Variants in LINGO2 observed in about 807,000 individuals in gnomAD.
LINGO2 encodes leucine-rich repeat and immunoglobulin-like domain-containing nogo receptor-interacting protein 2.
LINGO2 carries 14 observed loss-of-function variants against 30.6 expected under a neutral mutation model. The observed-to-expected ratio is 0.46, with a 90% CI of 0.30 to 0.72. The LOEUF is 0.72. LINGO2 is among the 30% of genes least tolerant of loss of function. The probability of loss-of-function intolerance (pLI) is 0.07; values close to 1 mark genes in which losing one functional copy is unlikely to be tolerated. For synonymous variants in LINGO2, 317 were observed against 288.5 expected (o/e 1.10, Z -1.00); for missense variants, 729 against 751.7 (o/e 0.97, Z 0.35).
chr9:28,336,567 C>T (rs960556348), intron 3 of LINGO2, among the ~76,000 whole-genome samples: 4 of 151,970 alleles, frequency 2.6e-5, no homozygotes, highest in African/African-American at 9.7e-5. Flanking sequence ...ATCTACAATC[C>T]ACTTTGAGTT....
chr9:28,160,570 T>A lies in LINGO2; in HGVS notation c.-87+134638A>T, dbSNP rs537476985. Among the ~76,000 whole-genome samples the A allele has an allele frequency of 2.6e-5, 4 of 152,302 alleles. No individual in the cohort carries two copies. The South Asian group carries it at 8.3e-4, about 32-fold the overall frequency. On this transcript the variant is annotated intron_variant, in intron 4 of 5. Transcript: ENST00000379992. Reference sequence around the variant, plus strand: ...ATCTCTGTCCTTTCTGTTCCCCTCCTGCCCCCCTTCTGCTCTTGCTCTTCA... The same window carrying A: ...ATCTCTGTCCTTTCTGTTCCCCTCCAGCCCCCCTTCTGCTCTTGCTCTTCA...
the LINGO2 span, among the ~76,000 whole-genome samples, chr9:29,103,637 T>C: frequency 6.6e-6 from 1 of 152,180 alleles, no homozygotes; most frequent in East Asian, 1.9e-4. Flanking sequence ...AAACACCAAA[T>C]ATCAATACTT....
intron 4 of LINGO2, among the ~76,000 whole-genome samples, chr9:28,145,568 T>C (rs559178953): frequency 6.6e-6 from 1 of 152,212 alleles, no homozygotes; most frequent in Non-Finnish European, 1.5e-5. Context: ...CTGACCTATT[T>C]TTGTGAACAC....
At chr9:29,210,456 T>C in the LINGO2 span, among the ~76,000 whole-genome samples, 1 of 152,188 alleles carries the variant, frequency 6.6e-6, no homozygotes, top group Non-Finnish European at 1.5e-5. Context: ...GTTGTACCTA[T>C]ATTCAGATGA....
chr9:29,056,975 G>A, the LINGO2 span, among the ~76,000 whole-genome samples: 7 of 152,080 alleles, frequency 4.6e-5, no homozygotes, highest in Non-Finnish European at 8.8e-5. Context: ...GTACCATGCT[G>A]TTTTGGTGAC....
At chr9:28,580,342 T>C (rs908104792) in intron 1 of LINGO2, among the ~76,000 whole-genome samples, 1 of 152,038 alleles carries the variant, frequency 6.6e-6, no homozygotes, top group Non-Finnish European at 1.5e-5. Flanking sequence ...CAAAACATCA[T>C]GAAACTGGCC....
At chr9:28,285,645 T>A (rs1481615618) in intron 4 of LINGO2, among the ~76,000 whole-genome samples, 1 of 152,080 alleles carries the variant, frequency 6.6e-6, no homozygotes, top group African/African-American at 2.4e-5. Flanking sequence ...GACCTCGTGA[T>A]CTGCCTGCCT....
chr9:28,265,263 A>G (rs1192747369), intron 4 of LINGO2, among the ~76,000 whole-genome samples: 2 of 151,944 alleles, frequency 1.3e-5, no homozygotes, highest in African/African-American at 4.8e-5. Flanking sequence ...TCTGAGGATA[A>G]AAAGGCACAT....
At chr9:28,770,685 A>C in the LINGO2 span, among the ~76,000 whole-genome samples, 1 of 152,200 alleles carries the variant, frequency 6.6e-6, no homozygotes, top group Non-Finnish European at 1.5e-5. Context: ...AATCACCATC[A>C]AGATATACTG....
intron 1 of LINGO2, among the ~76,000 whole-genome samples, chr9:28,643,390 G>A (rs747136738): frequency 5.3e-5 from 8 of 151,786 alleles, no homozygotes; most frequent in East Asian, 1.9e-4. Context: ...AAATTTACAC[G>A]CTCACAGTGA....
At chr9:28,677,524 T>C in the LINGO2 span, among the ~76,000 whole-genome samples, 1 of 152,136 alleles carries the variant, frequency 6.6e-6, no homozygotes, top group Non-Finnish European at 1.5e-5. Context: ...AGTACTGGTA[T>C]TTCTGCACAT....
At chr9:28,667,391 C>T (rs972644903) in intron 1 of LINGO2, among the ~76,000 whole-genome samples, 16 of 152,102 alleles carry the variant, frequency 1.1e-4, no homozygotes, top group African/African-American at 2.9e-4. Context: ...GAGTCACCAT[C>T]ATCTCTTACA....
intron 3 of LINGO2, among the ~76,000 whole-genome samples, chr9:28,326,581 G>C (rs1825237344): frequency 6.6e-6 from 1 of 152,172 alleles, no homozygotes; most frequent in Non-Finnish European, 1.5e-5. Context: ...TCTTCCATGA[G>C]ATGGTATGTT....
chr9:28,029,529 TACC>T (rs1823557106), intron 4 of LINGO2, among the ~76,000 whole-genome samples: 2 of 152,162 alleles, frequency 1.3e-5, no homozygotes, highest in South Asian at 4.1e-4. Flanking sequence ...CCACTCTGAG[TACC>T]AGCAGCAGGA....
the LINGO2 span, among the ~76,000 whole-genome samples, chr9:29,168,896 C>A: frequency 1.3e-5 from 2 of 152,156 alleles, no homozygotes; most frequent in Non-Finnish European, 2.9e-5. Flanking sequence ...TACAATATGT[C>A]ATCACTGTCC....
chr9:28,167,043 C>T (rs1051823467), intron 4 of LINGO2, among the ~76,000 whole-genome samples: 1 of 151,960 alleles, frequency 6.6e-6, no homozygotes, highest in African/African-American at 2.4e-5. Flanking sequence ...TTTTTCCAGC[C>T]TGTAGAATCC....
intron 2 of LINGO2, among the ~76,000 whole-genome samples, chr9:28,388,542 TTTTA>T (rs1821693776): frequency 6.6e-6 from 1 of 152,216 alleles, no homozygotes; most frequent in Non-Finnish European, 1.5e-5. Context: ...ACTTTTCCAA[TTTTA>T]TTTGTTCCAC....
At chr9:28,738,037 C>T in the LINGO2 span, among the ~76,000 whole-genome samples, 1 of 152,264 alleles carries the variant, frequency 6.6e-6, no homozygotes, top group East Asian at 1.9e-4. Flanking sequence ...GAGCTGATAA[C>T]CAATTCTTCT....
At chr9:28,620,868 CT>C (rs1826359091) in intron 1 of LINGO2, among the ~76,000 whole-genome samples, 1 of 151,976 alleles carries the variant, frequency 6.6e-6, no homozygotes, top group Admixed American at 6.6e-5. Context: ...GGAAAAACAA[CT>C]AATGGTTACG....
Sources: gnomAD v4.1 joint callset for allele counts (sites outside exome capture counted in the v4.1 genomes callset) on GRCh38, gnomAD v4.1.1 for gene constraint, MANE v1.5 for transcripts, NCBI Gene and HGNC (gene_info 2026-07-23, HGNC 2026-07-21) for gene names.